Variants in COL9A3 observed in about 807,000 individuals in gnomAD.
The protein encoded by COL9A3 is collagen type IX alpha 3 chain.
COL9A3 carries 82 observed loss-of-function variants against 110.2 expected under a neutral mutation model. That is an observed-to-expected ratio of 0.74 (90% CI 0.62 to 0.89). COL9A3 has a LOEUF of 0.89. COL9A3 is among the 40% of genes least tolerant of loss of function. The probability of loss-of-function intolerance (pLI) is 0.00; values close to 1 mark genes in which losing one functional copy is unlikely to be tolerated. For synonymous variants in COL9A3, 494 were observed against 403.8 expected (o/e 1.22, Z -2.68); for missense variants, 1,066 against 981.3 (o/e 1.09, Z -1.15).
At chr20:62,822,843 C>G (rs1045651433) in intron 10 of COL9A3, among the ~76,000 whole-genome samples, 1 of 152,178 alleles carries the variant, frequency 6.6e-6, no homozygotes, top group Non-Finnish European at 1.5e-5. Flanking sequence ...TCCTCACCAC[C>G]GTCTAGACCT....
intron 25 of COL9A3, 86 bp from the exon 26 acceptor site, chr20:62,832,934 G>C: frequency 8.0e-7 from 1 of 1,257,728 alleles, no homozygotes; most frequent in Non-Finnish European, 1.2e-6. Flanking sequence ...TTACACCTAC[G>C]GAGGCTTGAG....
chr20:62,822,672 G>C (rs368030633), intron 10 of COL9A3, 40 bp downstream of exon 10: 55 of 1,602,674 alleles, frequency 3.4e-5, no homozygotes, highest in Admixed American at 6.7e-5. Flanking sequence ...GCTGGGGGGT[G>C]CCTACCTTGG....
rs770282996 is a variant in COL9A3, at chr20:62,837,252, C to A, written c.1773C>A (p.Asp591Glu). 1 of 1,610,180 alleles carries A rather than the reference C, an allele frequency of 6.2e-7. No individual in the cohort carries two copies. The highest frequency in any genetic ancestry group is 8.5e-7 in the Non-Finnish European group (1 of 1,179,426). ...GCGGTCCCACTGGGGAGCTGGGAGA[C>A]CCCGGGCCCAGAGGTGAGTGTTTGA... ...GYRGPTGELG[D>E]PGPRGNQGDR... Residue 591 changes from aspartate (D) to glutamate (E), a missense_variant, in exon 30 of 32, where the codon GAC becomes GAA. By Grantham distance (45) the Asp-to-Glu change is conservative. Transcript: ENST00000649368.
At position 62,840,278 on chromosome 20, in the gene COL9A3, C is replaced by G. The variant is rs552363244; in HGVS notation, c.1865-264C>G. Among the ~76,000 whole-genome samples, 34 of 151,878 alleles carry G rather than the reference C, an allele frequency of 2.2e-4. No individual in the cohort carries two copies. The East Asian group carries it at 6.6e-3, about 30-fold the overall frequency. On this transcript the variant is annotated intron_variant, in intron 31 of 31. Coordinates refer to ENST00000649368, the MANE Select transcript of COL9A3 (RefSeq NM_001853.4). Reference sequence around the variant, plus strand: ...ACTCACACAGCCCCCACCAAACCCGCGTAAGTCAGAGTGCGGGTGTCCTCA... The same window carrying G: ...ACTCACACAGCCCCCACCAAACCCGGGTAAGTCAGAGTGCGGGTGTCCTCA...
chr20:62,833,494 C>T (rs556727495), intron 26 of COL9A3, among the ~76,000 whole-genome samples: 93 of 151,544 alleles, frequency 6.1e-4, no homozygotes, highest in African/African-American at 2.0e-3. Context: ...AGCTCCGCCT[C>T]CCGGGTTCAC....
Position 62,830,371 on chromosome 20 carries a change from C to A in COL9A3, c.1173C>A (p.Gly391=). ...CCTTTGTCTTCCAGGGGGCCCTCGG[C>A]CCACAAGGCCCTCCCGGAGCCCCTG... The part of the protein sequence containing the change: ...AGHRGSAGAL[G]PQGPPGAPGV... Residue 391 remains glycine, a synonymous_variant, in exon 23 of 32, where the codon GGC becomes GGA. Coordinates refer to ENST00000649368, the MANE Select transcript of COL9A3 (RefSeq NM_001853.4). The A allele has an allele frequency of 6.4e-7, 1 of 1,572,648 alleles. No individual in the cohort carries two copies. The highest frequency in any genetic ancestry group is 8.6e-7 in the Non-Finnish European group (1 of 1,158,636).
At chr20:62,830,915 C>T (rs549114961) in intron 24 of COL9A3, among the ~76,000 whole-genome samples, 3 of 151,034 alleles carry the variant, frequency 2.0e-5, no homozygotes, top group Non-Finnish European at 4.4e-5. Context: ...CCGACTGTGG[C>T]GCCTTTGGCC....
Position 62,835,947 on chromosome 20 carries a change from A to G in COL9A3, c.1395A>G (p.Lys465=). 1 of 1,614,174 alleles carries G rather than the reference A, an allele frequency of 6.2e-7. No homozygotes were observed. Among genetic ancestry groups the G allele is most frequent in the African/African-American group, 1.3e-5 (1 of 75,054 alleles). The stretch of plus-strand genomic sequence containing the variant: ...GTCCCAGCGGCCTGGTCGGACCCAA[A>G]GGAGAGGTGAGTGCCCGGCGACTGT... ...ELGPSGLVGP[K]GESGSRGELG... Residue 465 remains lysine, a synonymous_variant, in exon 27 of 32, where the codon AAA becomes AAG. Coordinates refer to ENST00000649368, the MANE Select transcript of COL9A3 (RefSeq NM_001853.4).
At chr20:62,834,017 G>T (rs986584152) in intron 26 of COL9A3, among the ~76,000 whole-genome samples, 2 of 152,286 alleles carry the variant, frequency 1.3e-5, no homozygotes, top group East Asian at 1.9e-4. Flanking sequence ...GGGATTACAG[G>T]CGCCTGCCAC....
At chr20:62,836,725 C>A in intron 29 of COL9A3, 193 bp downstream of exon 29, 2 of 657,640 alleles carry the variant, frequency 3.0e-6, no homozygotes, top group Non-Finnish European at 5.2e-6. Flanking sequence ...AGAGGATGGC[C>A]CACGCTCCCG....
At chr20:62,832,873 T>TAA in intron 25 of COL9A3, 147 bp from the exon 26 acceptor site, 1 of 679,602 alleles carries the variant, frequency 1.5e-6, no homozygotes, top group South Asian at 1.7e-5. Flanking sequence ...TGGAGCGGGT[T>TAA]AAAAGGCAGC....
chr20:62,820,585 C>T (rs1462710532), intron 5 of COL9A3, among the ~76,000 whole-genome samples: 1 of 151,908 alleles, frequency 6.6e-6, no homozygotes, highest in Non-Finnish European at 1.5e-5. Context: ...CTTGGGAGCT[C>T]GTCAGGCATG....
At chr20:62,826,557 G>T (rs542731087) in intron 14 of COL9A3, among the ~76,000 whole-genome samples, 1 of 152,342 alleles carries the variant, frequency 6.6e-6, no homozygotes, top group Non-Finnish European at 1.5e-5. Context: ...CACACACACG[G>T]TCCCAGGCTG....
At chr20:62,826,389 T>A (rs1040338837) in intron 14 of COL9A3, 132 bp downstream of exon 14, 1 of 869,164 alleles carries the variant, frequency 1.2e-6, no homozygotes, top group Admixed American at 2.3e-5. Flanking sequence ...CCATCGCCAC[T>A]GTGGCGCAGG....
At chr20:62,829,575 C>T in intron 20 of COL9A3, 53 bp from the exon 21 acceptor site, 1 of 1,610,432 alleles carries the variant, frequency 6.2e-7, no homozygotes. Flanking sequence ...GGGCCAGCGA[C>T]CTGGCCCCAG....
chr20:62,822,696 G>A (rs1382058772), intron 10 of COL9A3, 64 bp downstream of exon 10: 1 of 1,541,644 alleles, frequency 6.5e-7, no homozygotes, highest in African/African-American at 1.4e-5. Context: ...GAGGGGTTCT[G>A]GCCTGGAGAG....
intron 24 of COL9A3, chr20:62,831,139 A>G (rs1358400115): frequency 6.6e-6 from 1 of 152,280 alleles, no homozygotes; most frequent in Non-Finnish European, 1.5e-5. Context: ...ACGTTGCTAT[A>G]AAATAGGTTT....
Position 62,829,673 on chromosome 20 carries a change from G to T in COL9A3, c.1099G>T (p.Gly367Cys). The change falls in exon 21 of 32, where the codon GGC (glycine) becomes TGC (cysteine). Residue 367 changes from glycine to cysteine, a missense_variant. Physicochemically the swap from Gly to Cys is radical, Grantham distance 159 (BLOSUM62 -3). Transcript: ENST00000649368. ...TGAGGCCGGCCCCTCTGGAGAGCCA[G>T]GCGTCCCTGTGAGTATCTGCGGCGC... is the stretch of plus-strand genomic sequence containing the variant. ...LGEAGPSGEP[G>C]VPGDAGMPGE... 6.2e-7 allele frequency: 1 copy of T among 1,609,282 alleles called. No individual in the cohort carries two copies. The highest frequency in any genetic ancestry group is 1.1e-5 in the South Asian group (1 of 90,272).
At chr20:62,831,977 A>T in intron 24 of COL9A3, 177 bp from the exon 25 acceptor site, 2 of 709,370 alleles carry the variant, frequency 2.8e-6, no homozygotes, top group South Asian at 3.1e-5. Flanking sequence ...TCGGGCCCAG[A>T]GGCTGTGAAC....
Sources: allele counts gnomAD v4.1 joint callset (sites outside exome capture counted in the v4.1 genomes callset), GRCh38; gene constraint gnomAD v4.1.1; transcripts MANE v1.5; gene names NCBI Gene and HGNC (gene_info 2026-07-23, HGNC 2026-07-21).